Variants in DNAJA4 observed in about 807,000 individuals in gnomAD.
DNAJA4 encodes dnaJ homolog subfamily A member 4.
In DNAJA4, 32 loss-of-function variants were observed where a neutral mutation model predicts 39.7. The ratio of observed to expected loss-of-function variants is 0.81; its 90% confidence interval spans 0.61 to 1.08. The LOEUF (loss-of-function observed/expected upper bound fraction) is 1.08. Ranked by LOEUF, DNAJA4 falls within the 50% of genes least tolerant of loss-of-function variation. DNAJA4 has a pLI of 0.00. For missense variants in DNAJA4, 439 were observed against 505.1 expected, an observed-to-expected ratio of 0.87 and a Z score of 1.25; for synonymous variants, 184 against 182.4, an observed-to-expected ratio of 1.01 and a Z score of -0.07.
intron 3 of DNAJA4, 122 bp downstream of exon 3, chr15:78,273,321 T>C (rs2049355071): frequency 1.5e-6 from 1 of 676,306 alleles, no homozygotes; most frequent in South Asian, 1.8e-5. Context: ...AAGCAGAGAT[T>C]ACAAACAGGT....
intron 3 of DNAJA4, among the ~76,000 whole-genome samples, chr15:78,273,789 A>G (rs1286220605): frequency 6.6e-6 from 1 of 152,106 alleles, no homozygotes. Flanking sequence ...ATGTCTGGTG[A>G]CCCCAGCCTC....
Position 78,279,981 on chromosome 15 carries a change from A to G in DNAJA4, c.878-64A>G. On this transcript the variant is annotated intron_variant, in intron 5 of 6. Coordinates refer to ENST00000394852, the MANE Select transcript of DNAJA4 (RefSeq NM_001130182.2). This position sits in a 1 kb window ranked among gnomAD's most constrained non-coding sequence, Gnocchi z 4.5. ...AGGGCCTGCCGCAGGCTCTCCCATG[A>G]GGGAGAACGACCTCTGCAGGCCCCT... 1 of 1,480,364 alleles carries G rather than the reference A, an allele frequency of 6.8e-7. No homozygotes were observed. The allele number at this position is 1,480,364 out of a possible 1,614,324, so 91.7% of individuals were successfully genotyped here. A position where few individuals can be genotyped will look rare whatever the true frequency, so the allele number is the denominator to read the frequency against.
At chr15:78,276,426 C>T (rs1302586031) in intron 5 of DNAJA4, among the ~76,000 whole-genome samples, 1 of 152,224 alleles carries the variant, frequency 6.6e-6, no homozygotes, top group African/African-American at 2.4e-5. Context: ...CAGCCCCCAA[C>T]CCCCCTGTAG....
intron 2 of DNAJA4, among the ~76,000 whole-genome samples, chr15:78,270,882 AC>A (rs1341570211): frequency 6.6e-6 from 1 of 151,770 alleles, no homozygotes; most frequent in Non-Finnish European, 1.5e-5. Flanking sequence ...ACATAGTGAT[AC>A]TCCCCATCTC....
intron 2 of DNAJA4, among the ~76,000 whole-genome samples, chr15:78,271,889 T>TGA (rs2049307712): frequency 6.6e-6 from 1 of 152,188 alleles, no homozygotes; most frequent in Admixed American, 6.5e-5. Context: ...CTTTGGTCAG[T>TGA]GAGAGGCCCC....
intron 2 of DNAJA4, 63 bp from the exon 3 acceptor site, chr15:78,273,032 G>A: frequency 1.1e-6 from 1 of 945,828 alleles, no homozygotes; most frequent in Non-Finnish European, 1.7e-6. Context: ...GGTCATATGG[G>A]TGGTATTTAA....
upstream of DNAJA4, chr15:78,264,209 G>C (rs1007059240): frequency 1.2e-6 from 1 of 810,174 alleles, no homozygotes; most frequent in Non-Finnish European, 1.7e-6. Flanking sequence ...TCTCCAGCCA[G>C]CCGGCTCCAC....
chr15:78,272,979 C>A, intron 2 of DNAJA4, 116 bp from the exon 3 acceptor site: 1 of 698,096 alleles, frequency 1.4e-6, no homozygotes, highest in Non-Finnish European at 2.5e-6. Context: ...GAGCGCATGA[C>A]CCAGCCACAG....
In DNAJA4 at chr15:78,281,674, C is replaced by T. The variant is rs551065174; in HGVS notation, c.*1214C>T. 2.6e-5 allele frequency: 4 copies of T among 152,266 alleles called. No individual in the cohort carries two copies. In the South Asian group the frequency reaches 8.3e-4, roughly 32 times the overall value. 9.4% of individuals were successfully genotyped at this position (152,266 alleles called of 1,614,324 possible). A position where few individuals can be genotyped will look rare whatever the true frequency, so the allele number is the denominator to read the frequency against. ...AGCCATTACTGCTTATTTCTTTTCCCCAAGTCACAAAAAACTTGTAAGCTG... is the reference window on the plus strand; with the variant it reads ...AGCCATTACTGCTTATTTCTTTTCCTCAAGTCACAAAAAACTTGTAAGCTG... On this transcript the variant is annotated 3_prime_UTR_variant, in exon 7 of 7. Coordinates refer to ENST00000394852, the MANE Select transcript of DNAJA4 (RefSeq NM_001130182.2).
upstream of DNAJA4, chr15:78,264,491 G>A (rs532136908): frequency 1.8e-4 from 219 of 1,249,948 alleles, 2 homozygotes; most frequent in African/African-American, 3.2e-3. Context: ...GGCCTTTGTG[G>A]CGTCACCGTC....
chr15:78,270,480 C>A lies in DNAJA4; in HGVS notation c.133-17C>A. On this transcript the variant is annotated splice_polypyrimidine_tract_variant and intron_variant, in intron 1 of 6. Transcript: ENST00000394852. ...CTGAAACTTCTCTAAAAATCTCTCT[C>A]TCTCTCTCTTTTAAAGTTTAAACTC... 1 of 1,599,822 alleles carries A rather than the reference C, an allele frequency of 6.3e-7. No individual in the cohort carries two copies. The highest frequency in any genetic ancestry group is 1.1e-5 in the South Asian group (1 of 88,658).
intron 3 of DNAJA4, 30 bp downstream of exon 3, chr15:78,273,229 A>G: frequency 8.3e-7 from 1 of 1,203,772 alleles, no homozygotes; most frequent in Non-Finnish European, 1.2e-6. Flanking sequence ...TGAACCGCAC[A>G]GTTCTGATCC....
rs779408454 is a variant in DNAJA4, at chr15:78,264,912, G to A, written c.132+17G>A. On this transcript the variant is annotated intron_variant, in intron 1 of 6. Transcript: ENST00000394852. ...GGCGAGAAGGTGCGGGGCGGCGCGG[G>A]GCACGGGCCGGGCTCCCGAGGGGCC... is the stretch of plus-strand genomic sequence containing the variant. 7 of 1,574,004 alleles carry A rather than the reference G, an allele frequency of 4.4e-6. No individual in the cohort carries two copies. The South Asian group carries it at 8.0e-5, about 18-fold the overall frequency.
Position 78,275,658 on chromosome 15 carries a change from A to T in DNAJA4, c.807A>T (p.Glu269Asp), listed in dbSNP as rs760251066. Reference protein sequence around the residue: ...LIMKMKIQLSEALCGFKKTIK... With the variant: ...LIMKMKIQLSDALCGFKKTIK... ...TGAAAATGAAAATTCAGCTTTCTGA[A>T]GCTCTTTGTGGCTTCAAGAAGACGA... Residue 269 changes from glutamate (E) to aspartate (D), a missense_variant, in exon 5 of 7, where the codon GAA becomes GAT. Glu to Asp is a conservative substitution (Grantham distance 45). Transcript: ENST00000394852. The T allele has an allele frequency of 6.2e-7, 1 of 1,614,168 alleles. No homozygotes were observed. Among genetic ancestry groups the T allele is most frequent in the Admixed American group, 1.7e-5 (1 of 60,028 alleles).
intron 1 of DNAJA4, 47 bp downstream of exon 1, chr15:78,264,942 G>T: frequency 6.6e-7 from 1 of 1,520,346 alleles, no homozygotes; most frequent in Non-Finnish European, 8.9e-7. Context: ...GGGGCCAAGG[G>T]TTATTAAGCC....
chr15:78,264,746 C>A lies in DNAJA4; in HGVS notation c.-18C>A. 1 of 1,376,434 alleles carries A rather than the reference C, an allele frequency of 7.3e-7. No individual in the cohort carries two copies. The allele number at this position is 1,376,434 out of a possible 1,614,324, so 85.3% of individuals were successfully genotyped here. Reference sequence around the variant, plus strand: ...GGGCGCTCTGACCGGCCTCGCCCGCCCCCCCCGCAGACACAAGATGGTGAA... The same window carrying A: ...GGGCGCTCTGACCGGCCTCGCCCGCACCCCCCGCAGACACAAGATGGTGAA... On this transcript the variant is annotated 5_prime_UTR_variant, in exon 1 of 7. Coordinates refer to ENST00000394852, the MANE Select transcript of DNAJA4 (RefSeq NM_001130182.2).
intron 2 of DNAJA4, among the ~76,000 whole-genome samples, 171 bp downstream of exon 2, chr15:78,270,848 AG>A (rs1300031872): frequency 6.6e-6 from 1 of 152,140 alleles, no homozygotes; most frequent in Admixed American, 6.5e-5. Flanking sequence ...GTTTTAGGCC[AG>A]GATTTCAAGA....
In DNAJA4 at chr15:78,275,529, T is replaced by C; in HGVS notation, c.678T>C (p.His226=). 1 of 1,614,124 alleles carries C rather than the reference T, an allele frequency of 6.2e-7. No individual in the cohort carries two copies. Among genetic ancestry groups the C allele is most frequent in the Non-Finnish European group, 8.5e-7 (1 of 1,179,992 alleles). ...GMKDGQKILF[H]GEGDQEPELE... ...AAGATGGGCAAAAGATACTATTTCA[T>C]GGAGAAGGAGATCAGGAGCCTGAGC... Residue 226 remains histidine, a synonymous_variant, in exon 5 of 7, where the codon CAT becomes CAC. Coordinates refer to ENST00000394852, the MANE Select transcript of DNAJA4 (RefSeq NM_001130182.2).
In DNAJA4 at chr15:78,270,537, C is replaced by G. The variant is rs746849107; in HGVS notation, c.173C>G (p.Pro58Arg). The change falls in exon 2 of 7, where the codon CCA (proline) becomes CGA (arginine). Residue 58 changes from proline (P) to arginine (R), a missense_variant. Pro to Arg is a moderately radical substitution (Grantham distance 103). Transcript: ENST00000394852. ...ISQAYEVLSD[P>R]KKRDVYDQGG... Reference sequence around the variant, plus strand: ...CAGGCATATGAAGTGCTTTCAGATCCAAAGAAAAGGGATGTTTATGACCAA... The same window carrying G: ...CAGGCATATGAAGTGCTTTCAGATCGAAAGAAAAGGGATGTTTATGACCAA... 38 of 1,613,890 alleles carry G rather than the reference C, an allele frequency of 2.4e-5. No individual in the cohort carries two copies. Among genetic ancestry groups the G allele is most frequent in the Non-Finnish European group, 1.5e-5 (18 of 1,179,986 alleles).
Sources: allele counts gnomAD v4.1 joint callset (sites outside exome capture counted in the v4.1 genomes callset), GRCh38; gene constraint gnomAD v4.1.1; non-coding constraint Gnocchi (gnomAD v3.1); transcripts MANE v1.5; gene names NCBI Gene and HGNC (gene_info 2026-07-23, HGNC 2026-07-21).